The following IL34 variants were observed in gnomAD, a reference collection of about 807,000 sequenced individuals.
IL34 encodes interleukin 34, also known as interleukin-34.
Under a neutral mutation model 25.3 loss-of-function variants are expected in IL34, and 17 were observed. That is an observed-to-expected ratio of 0.67 (90% CI 0.46 to 1.01). The LOEUF (loss-of-function observed/expected upper bound fraction) is 1.01, where lower values mean the gene tolerates loss of function less well. IL34 is among the 50% of genes least tolerant of loss of function. The pLI, the probability that IL34 is intolerant of heterozygous loss-of-function variation, is 0.00. For missense variants in IL34, 368 were observed against 312.9 expected, an observed-to-expected ratio of 1.18 and a Z score of -1.33; for synonymous variants, 174 against 140.9, an observed-to-expected ratio of 1.23 and a Z score of -1.66.
At chr16:70,628,913 G>T (rs36097154) in intron 1 of IL34, among the ~76,000 whole-genome samples, 1 of 151,182 alleles carries the variant, frequency 6.6e-6, no homozygotes, top group Non-Finnish European at 1.5e-5. Context: ...TCGGCCTCCC[G>T]AGGAGCTGGG....
chr16:70,640,619 G>A (rs1406403184), intron 1 of IL34, among the ~76,000 whole-genome samples: 14 of 120,628 alleles, frequency 1.2e-4, no homozygotes, highest in African/African-American at 4.2e-4. Flanking sequence ...GCAAGACTCC[G>A]TCTCAATAAA....
At chr16:70,657,827 A>G (rs763043692) in intron 4 of IL34, among the ~76,000 whole-genome samples, 1 of 152,246 alleles carries the variant, frequency 6.6e-6, no homozygotes, top group Non-Finnish European at 1.5e-5. Flanking sequence ...TGTTGTATAC[A>G]TGACATCATG....
At chr16:70,623,617 G>C (rs1005112388) in intron 1 of IL34, among the ~76,000 whole-genome samples, 2 of 151,980 alleles carry the variant, frequency 1.3e-5, no homozygotes, top group Admixed American at 6.6e-5. Flanking sequence ...GGAGGGAGTA[G>C]AGGTATCTTA....
At chr16:70,593,824 G>A (rs560027700) in intron 1 of IL34, among the ~76,000 whole-genome samples, 2 of 152,130 alleles carry the variant, frequency 1.3e-5, no homozygotes, top group Non-Finnish European at 2.9e-5. Context: ...AGTGTACCTG[G>A]CAATATCTAG....
chr16:70,614,583 C>G (rs1384043488), intron 1 of IL34, among the ~76,000 whole-genome samples: 2 of 152,190 alleles, frequency 1.3e-5, no homozygotes, highest in Admixed American at 6.5e-5. Context: ...GTGCTGCTTT[C>G]AGAAATGTGC....
chr16:70,589,034 CGGTGGCAAAAATGCTAGCTGAGCGT>C (rs2050723761), intron 1 of IL34, among the ~76,000 whole-genome samples: 1 of 151,794 alleles, frequency 6.6e-6, no homozygotes, highest in Non-Finnish European at 1.5e-5. Context: ...TAGCTGAGAG[CGGTGGCAAAAATGCTAGCTGAGCGT>C]GGTGGCGGGC....
In IL34 at chr16:70,633,949, C is replaced by G. The variant is rs371224971; in HGVS notation, c.-400-12599C>G. Among the ~76,000 whole-genome samples the G allele has an allele frequency of 3.0e-4, 45 of 152,016 alleles. No individual in the cohort carries two copies. In the South Asian group the frequency reaches 8.7e-3, roughly 30 times the overall value. ...CACTGCAACCTCCGCCTCCTGGGTT[C>G]AAGCGATTCTGCTGCCTCAGCCTCC... On this transcript the variant is annotated intron_variant, in intron 1 of 6. Transcript: ENST00000429149.
intron 1 of IL34, among the ~76,000 whole-genome samples, chr16:70,608,130 T>C (rs867784286): frequency 0.061 from 8,241 of 135,934 alleles, 335 homozygotes; most frequent in Non-Finnish European, 0.074. Flanking sequence ...TTTTTTCTTT[T>C]TTTTTTTTTT....
intron 4 of IL34, among the ~76,000 whole-genome samples, chr16:70,657,636 C>T (rs2052267013): frequency 6.6e-6 from 1 of 152,052 alleles, no homozygotes; most frequent in Non-Finnish European, 1.5e-5. Context: ...TAAGCCAGTC[C>T]TGGTGGTGGG....
At position 70,622,340 on chromosome 16, in the gene IL34, G is replaced by A. The variant is rs186332526; in HGVS notation, c.-400-24208G>A. ...CAGTCCTGGGCGGGGGCAAATCCCTGAGCTTGATGTGTAGGGAAGGGAGGA... is the reference window on the plus strand; with the variant it reads ...CAGTCCTGGGCGGGGGCAAATCCCTAAGCTTGATGTGTAGGGAAGGGAGGA... On this transcript the variant is annotated intron_variant, in intron 1 of 6. Coordinates refer to the IL34 transcript ENST00000429149. Among the ~76,000 whole-genome samples, 278 of 152,180 alleles carry A rather than the reference G, an allele frequency of 1.8e-3. 1 individual carries two copies. Among genetic ancestry groups the A allele is most frequent in the African/African-American group, 6.6e-3 (274 of 41,548 alleles).
intron 1 of IL34, among the ~76,000 whole-genome samples, chr16:70,617,583 C>A (rs1195474942): frequency 3.3e-5 from 5 of 152,130 alleles, no homozygotes; most frequent in Admixed American, 6.6e-5. Context: ...GCTGTACCCC[C>A]TGTAGCATTC....
chr16:70,628,318 ATTTG>A, intron 1 of IL34, among the ~76,000 whole-genome samples: 1 of 152,072 alleles, frequency 6.6e-6, no homozygotes, highest in Non-Finnish European at 1.5e-5. Context: ...ATCTTTTTCC[ATTTG>A]TTTAACTCTT....
intron 1 of IL34, among the ~76,000 whole-genome samples, chr16:70,596,026 G>A (rs1001978908): frequency 1.5e-4 from 22 of 146,530 alleles, no homozygotes; most frequent in Non-Finnish European, 3.0e-4. Flanking sequence ...AAAAAAAAAA[G>A]AAAGTTGTAT....
chr16:70,595,270 A>G (rs904664405), intron 1 of IL34, among the ~76,000 whole-genome samples: 2 of 151,194 alleles, frequency 1.3e-5, no homozygotes, highest in Non-Finnish European at 1.5e-5. Flanking sequence ...CTGCATTTCA[A>G]TTTCTTAGTT....
intron 1 of IL34, among the ~76,000 whole-genome samples, chr16:70,581,873 G>A (rs545010402): frequency 3.9e-5 from 6 of 152,212 alleles, no homozygotes; most frequent in Non-Finnish European, 5.9e-5. Context: ...GCTTGAGCCT[G>A]GGATTTCGAG....
intron 2 of IL34, among the ~76,000 whole-genome samples, chr16:70,655,308 C>T (rs2052189167): frequency 2.0e-5 from 3 of 150,136 alleles, no homozygotes; most frequent in South Asian, 2.1e-4. Context: ...GCCTCAGCCT[C>T]CCAAAGTGCT....
intron 1 of IL34, among the ~76,000 whole-genome samples, chr16:70,627,972 G>A (rs972296886): frequency 1.3e-5 from 2 of 152,158 alleles, no homozygotes; most frequent in African/African-American, 2.4e-5. Context: ...AAATTGCTAA[G>A]CTGTGGGATA....
At chr16:70,598,567 C>T (rs778606646) in intron 1 of IL34, among the ~76,000 whole-genome samples, 2 of 151,934 alleles carry the variant, frequency 1.3e-5, no homozygotes, top group African/African-American at 2.4e-5. Flanking sequence ...GGTGAAACCC[C>T]GACTCTATTA....
intron 1 of IL34, among the ~76,000 whole-genome samples, chr16:70,611,916 CAGG>C (rs770791172): frequency 3.9e-5 from 6 of 152,134 alleles, no homozygotes; most frequent in Non-Finnish European, 5.9e-5. Flanking sequence ...TCGGGAGGAG[CAGG>C]AGGATTGCTT....
Sources: allele counts gnomAD v4.1 joint callset (sites outside exome capture counted in the v4.1 genomes callset), GRCh38; gene constraint gnomAD v4.1.1; transcripts MANE v1.5; gene names NCBI Gene and HGNC (gene_info 2026-07-23, HGNC 2026-07-21).